Variants in WNT3 observed in about 807,000 individuals in gnomAD.
WNT3 encodes proto-oncogene Wnt-3.
Under a neutral mutation model 34.2 loss-of-function variants are expected in WNT3, and 7 were observed. That is an observed-to-expected ratio of 0.20 (90% CI 0.12 to 0.38). The LOEUF is 0.38. WNT3 is among the 10% of genes least tolerant of loss of function. The pLI is 1.00. For missense variants in WNT3, 267 were observed against 499.8 expected (o/e 0.53, Z 4.44); for synonymous variants, 212 against 211.5 (o/e 1.00, Z -0.02).
intron 1 of WNT3, among the ~76,000 whole-genome samples, chr17:46,776,838 G>A (rs764447925): frequency 6.6e-6 from 1 of 152,052 alleles, no homozygotes; most frequent in African/African-American, 2.4e-5. Flanking sequence ...GAGCTGAGGC[G>A]GGAGTGAGAG....
In WNT3 at chr17:46,768,793, G is replaced by A. The variant is rs1448284693; in HGVS notation, c.595C>T (p.Leu199=). 7 of 1,613,450 alleles carry A rather than the reference G, an allele frequency of 4.3e-6. No homozygotes were observed. The South Asian group carries it at 7.7e-5, about 18-fold the overall frequency. Residue 199 remains leucine, a synonymous_variant, in exon 4 of 5, where the codon CTG becomes TTG. Transcript: ENST00000225512. The surrounding 1 kb of genome is among the most constrained non-coding windows in gnomAD (Gnocchi z 5.0). ...TTGCATTTGAGGTGCATGTGGTCCA[G>A]GATAGTCTGGGGGAGAGAAGTGGCA... ...HNNEAGRTTI[L]DHMHLKCKCH...
At chr17:46,770,843 G>A (rs530017248) in intron 2 of WNT3, among the ~76,000 whole-genome samples, 2 of 152,354 alleles carry the variant, frequency 1.3e-5, no homozygotes, top group East Asian at 3.9e-4. Context: ...TCATTCACAT[G>A]GAAAGTTTTA....
chr17:46,801,647 A>G (rs1009715504), intron 1 of WNT3, among the ~76,000 whole-genome samples: 11 of 148,106 alleles, frequency 7.4e-5, no homozygotes, highest in African/African-American at 2.7e-4. Context: ...GAATTGAATT[A>G]AATTAAATTA....
At chr17:46,803,416 C>T (rs1293463684) in intron 1 of WNT3, among the ~76,000 whole-genome samples, 1 of 152,150 alleles carries the variant, frequency 6.6e-6, no homozygotes, top group African/African-American at 2.4e-5. Context: ...CACCTATGAT[C>T]CCAGCTACTC....
intron 1 of WNT3, among the ~76,000 whole-genome samples, chr17:46,792,893 T>TTTC (rs2084004720): frequency 6.6e-6 from 1 of 151,974 alleles, no homozygotes; most frequent in East Asian, 1.9e-4. Flanking sequence ...ATTTAACGGA[T>TTTC]GATGACATGG....
intron 1 of WNT3, among the ~76,000 whole-genome samples, chr17:46,791,204 C>T (rs2083981988): frequency 6.6e-6 from 1 of 151,946 alleles, no homozygotes; most frequent in South Asian, 2.1e-4. Context: ...CCCAGGACTT[C>T]GCTTTCCTTA....
intron 2 of WNT3, 30 bp downstream of exon 2, chr17:46,773,638 C>A: frequency 2.9e-6 from 2 of 679,580 alleles, no homozygotes; most frequent in Non-Finnish European, 4.5e-6. Context: ...CCACCCAGCC[C>A]CTCCCCCCCC....
intron 1 of WNT3, among the ~76,000 whole-genome samples, chr17:46,777,605 C>T (rs938408692): frequency 2.6e-5 from 4 of 152,254 alleles, no homozygotes; most frequent in African/African-American, 7.2e-5. Flanking sequence ...CACAGTTACC[C>T]GGATACTGGC....
chr17:46,791,269 A>C (rs1232892002), intron 1 of WNT3, among the ~76,000 whole-genome samples: 2 of 151,424 alleles, frequency 1.3e-5, no homozygotes, highest in African/African-American at 4.9e-5. Flanking sequence ...GCTGTAGTGC[A>C]GTGGCGTGAT....
chr17:46,811,988 C>T (rs2084282328), intron 1 of WNT3, among the ~76,000 whole-genome samples: 2 of 152,110 alleles, frequency 1.3e-5, no homozygotes, highest in Admixed American at 6.6e-5. Flanking sequence ...AGAAACTCAA[C>T]TCTGCCCAGG....
At chr17:46,801,606 C>T (rs2084126531) in intron 1 of WNT3, among the ~76,000 whole-genome samples, 1 of 132,492 alleles carries the variant, frequency 7.5e-6, no homozygotes, top group Non-Finnish European at 1.7e-5. Context: ...GGCAACAGAG[C>T]GAGACTCTAT....
intron 2 of WNT3, among the ~76,000 whole-genome samples, chr17:46,772,073 C>T (rs1053319966): frequency 2.3e-4 from 35 of 152,198 alleles, no homozygotes; most frequent in East Asian, 1.2e-3. Context: ...GCCGCCCACG[C>T]GGCGGTGGTG....
In WNT3 at chr17:46,763,831, C is replaced by CAAAAAAAA. The variant is rs374185346; in HGVS notation, c.*791_*798dup. On this transcript the variant is annotated 3_prime_UTR_variant, in exon 5 of 5. Transcript: ENST00000225512. ...GCCTATTTACAAGGTCCACTACCACCAAAAAAAAAAAAAAACAAAAAAACA... is the reference window on the plus strand; with the variant it reads ...GCCTATTTACAAGGTCCACTACCACCAAAAAAAAAAAAAAAAAAAAAAACAAAAAAACA... 3.2e-5 allele frequency: 4 copies of CAAAAAAAA among 123,688 alleles called. No homozygotes were observed. Among genetic ancestry groups the CAAAAAAAA allele is most frequent in the African/African-American group, 3.2e-5 (1 of 31,116 alleles). 7.7% of individuals were successfully genotyped at this position (123,688 alleles called of 1,614,324 possible).
intron 1 of WNT3, among the ~76,000 whole-genome samples, chr17:46,778,817 C>G (rs2059432897): frequency 1.3e-5 from 2 of 152,096 alleles, no homozygotes; most frequent in African/African-American, 4.8e-5. Flanking sequence ...GGCAACCATT[C>G]TACACCATCC....
chr17:46,775,605 A>G (rs2146389351), intron 1 of WNT3, among the ~76,000 whole-genome samples: 1 of 146,460 alleles, frequency 6.8e-6, no homozygotes, highest in Admixed American at 6.7e-5. Context: ...AGCAGCCAGA[A>G]GTTCTTTTTT....
chr17:46,801,576 C>T (rs1216444597), intron 1 of WNT3, among the ~76,000 whole-genome samples: 1 of 124,610 alleles, frequency 8.0e-6, no homozygotes, highest in African/African-American at 3.1e-5. Context: ...GCTGTGATTG[C>T]GCCATTACAC....
At chr17:46,785,954 G>A (rs2059501700) in intron 1 of WNT3, among the ~76,000 whole-genome samples, 1 of 152,244 alleles carries the variant, frequency 6.6e-6, no homozygotes, top group Non-Finnish European at 1.5e-5. Context: ...TGGCTGATCT[G>A]ATAAGATGTG....
chr17:46,816,462 A>G (rs2084348294), intron 1 of WNT3, among the ~76,000 whole-genome samples: 2 of 129,082 alleles, frequency 1.5e-5, no homozygotes, highest in Non-Finnish European at 3.2e-5. Flanking sequence ...AGGGTCATAG[A>G]CCCAGAACAC....
chr17:46,775,599 G>T (rs1469386429), intron 1 of WNT3, among the ~76,000 whole-genome samples: 2 of 150,262 alleles, frequency 1.3e-5, no homozygotes, highest in Non-Finnish European at 3.0e-5. Context: ...AGAAGCAGCA[G>T]CCAGAAGTTC....
Sources: allele counts gnomAD v4.1 joint callset (sites outside exome capture counted in the v4.1 genomes callset), GRCh38; gene constraint gnomAD v4.1.1; non-coding constraint Gnocchi (gnomAD v3.1); transcripts MANE v1.5; gene names NCBI Gene and HGNC (gene_info 2026-07-23, HGNC 2026-07-21).